Variants in PRKD1 observed in about 807,000 individuals in gnomAD.
PRKD1 encodes serine/threonine-protein kinase D1.
Under a neutral mutation model 95.9 loss-of-function variants are expected in PRKD1, and 63 were observed. The ratio of observed to expected loss-of-function variants is 0.66; its 90% CI spans 0.54 to 0.81. PRKD1 has a LOEUF of 0.81. PRKD1 is among the 30% of genes least tolerant of loss of function. The probability of loss-of-function intolerance (pLI) is 0.00; values close to 1 mark genes in which losing one functional copy is unlikely to be tolerated. For synonymous variants in PRKD1, 425 were observed against 423.1 expected, an observed-to-expected ratio of 1.00 and a Z score of -0.05; for missense variants, 1,048 against 1,165.3, an observed-to-expected ratio of 0.90 and a Z score of 1.47.
chr14:29,605,452 T>G (rs1031986979), intron 13 of PRKD1, among the ~76,000 whole-genome samples: 1 of 152,190 alleles, frequency 6.6e-6, no homozygotes, highest in Non-Finnish European at 1.5e-5. Context: ...TTTCTATGTT[T>G]TCATACATAC....
intron 2 of PRKD1, among the ~76,000 whole-genome samples, chr14:29,702,709 AT>A (rs977500734): frequency 3.3e-5 from 5 of 152,046 alleles, no homozygotes; most frequent in Admixed American, 2.6e-4. Flanking sequence ...TAATTCCCTT[AT>A]TTTATTGTTC....
At chr14:29,817,519 T>C (rs1359421625) in intron 1 of PRKD1, among the ~76,000 whole-genome samples, 2 of 152,162 alleles carry the variant, frequency 1.3e-5, no homozygotes, top group Non-Finnish European at 2.9e-5. Context: ...ATACATACCA[T>C]TTGCTATATT....
chr14:29,821,113 T>C (rs190779533), intron 1 of PRKD1, among the ~76,000 whole-genome samples: 59 of 152,332 alleles, frequency 3.9e-4, no homozygotes, highest in African/African-American at 6.0e-4. Flanking sequence ...AGGAGATACA[T>C]TGAACTTCAG....
intron 13 of PRKD1, among the ~76,000 whole-genome samples, chr14:29,621,581 C>T (rs1422927400): frequency 6.6e-6 from 1 of 152,042 alleles, no homozygotes; most frequent in Non-Finnish European, 1.5e-5. Context: ...TATGATTAAA[C>T]CAAGCCTAGA....
chr14:29,834,806 C>T (rs1891548117), intron 1 of PRKD1, among the ~76,000 whole-genome samples: 1 of 151,894 alleles, frequency 6.6e-6, no homozygotes, highest in Admixed American at 6.6e-5. Context: ...CTATTATTCC[C>T]ATCTTAGAAA....
chr14:29,708,405 A>C (rs777688738), intron 2 of PRKD1, among the ~76,000 whole-genome samples: 23 of 152,236 alleles, frequency 1.5e-4, no homozygotes, highest in Non-Finnish European at 3.1e-4. Flanking sequence ...AATAGGTATT[A>C]AGTGCATAAG....
chr14:29,659,029 T>C (rs1403318560), intron 4 of PRKD1, among the ~76,000 whole-genome samples: 1 of 152,194 alleles, frequency 6.6e-6, no homozygotes, highest in African/African-American at 2.4e-5. Context: ...ACAATTCATA[T>C]GGAATAAAGT....
At chr14:29,875,261 A>G (rs527465647) in intron 1 of PRKD1, among the ~76,000 whole-genome samples, 9 of 152,280 alleles carry the variant, frequency 5.9e-5, no homozygotes, top group Non-Finnish European at 1.2e-4. Context: ...GGAAGTACAC[A>G]AAAGCCCAGA....
At chr14:29,910,573 AAAGTG>A (rs1894672704) in intron 1 of PRKD1, among the ~76,000 whole-genome samples, 1 of 152,190 alleles carries the variant, frequency 6.6e-6, no homozygotes, top group African/African-American at 2.4e-5. Context: ...AAAGATTATG[AAAGTG>A]TAGTATTTCA....
chr14:29,888,788 T>C (rs1318807579), intron 1 of PRKD1, among the ~76,000 whole-genome samples: 2 of 152,220 alleles, frequency 1.3e-5, no homozygotes, highest in Admixed American at 6.5e-5. Flanking sequence ...AAGTTACTTA[T>C]AGCTGACCTA....
chr14:29,890,666 A>G (rs1391028378), intron 1 of PRKD1, among the ~76,000 whole-genome samples: 1 of 152,164 alleles, frequency 6.6e-6, no homozygotes, highest in Non-Finnish European at 1.5e-5. Flanking sequence ...CATTCCAAGC[A>G]TATTCCAAAG....
chr14:29,832,377 T>C (rs1009281709), intron 1 of PRKD1, among the ~76,000 whole-genome samples: 2 of 152,248 alleles, frequency 1.3e-5, no homozygotes. Flanking sequence ...TTATCATGCA[T>C]GCATTTCTCC....
chr14:29,847,076 T>C (rs1892105994), intron 1 of PRKD1, among the ~76,000 whole-genome samples: 2 of 152,170 alleles, frequency 1.3e-5, no homozygotes, highest in Non-Finnish European at 2.9e-5. Context: ...GTAACTCCTG[T>C]ACTGCAGGGG....
chr14:29,777,444 G>C (rs1033571179), intron 1 of PRKD1, among the ~76,000 whole-genome samples: 31 of 152,124 alleles, frequency 2.0e-4, no homozygotes, highest in Non-Finnish European at 3.8e-4. Flanking sequence ...AAGGGATGGA[G>C]GAAGATCTAC....
rs1352721384 is a variant in PRKD1 at position 29,636,467 on chromosome 14, T to C, written c.1013A>G (p.Asp338Gly). Residue 338 changes from aspartate to glycine, a missense_variant, in exon 7 of 18, where the codon GAT becomes GGT. Asp to Gly is a moderately conservative substitution (Grantham distance 94, BLOSUM62 -1). Around this residue, in one of 3 missense-constraint regions of PRKD1, gnomAD observed 739 missense variants for 861.9 expected, o/e 0.86. Transcript: ENST00000331968. ...ATCACTCCCTTCTTCCATGACCACA[T>C]CAGACTCTGCCCCAGGGCTAAGCAA... ...GDLLSPGAES[D>G]VVMEEGSDDN... 6.2e-7 allele frequency: 1 copy of C among 1,613,976 alleles called. No individual in the cohort carries two copies. Among genetic ancestry groups the C allele is most frequent in the East Asian group, 2.2e-5 (1 of 44,886 alleles).
At chr14:29,614,703 A>G (rs1878724106) in intron 13 of PRKD1, among the ~76,000 whole-genome samples, 2 of 151,656 alleles carry the variant, frequency 1.3e-5, no homozygotes, top group East Asian at 1.9e-4. Flanking sequence ...ATATACACAT[A>G]TATTTTTTTT....
chr14:29,649,738 GTTAAC>G (rs1881368840), intron 4 of PRKD1, among the ~76,000 whole-genome samples: 1 of 152,060 alleles, frequency 6.6e-6, no homozygotes, highest in Non-Finnish European at 1.5e-5. Flanking sequence ...CATTTGAGGG[GTTAAC>G]TTGACTTTTT....
At chr14:29,705,722 A>G (rs926298424) in intron 2 of PRKD1, among the ~76,000 whole-genome samples, 3 of 151,920 alleles carry the variant, frequency 2.0e-5, no homozygotes, top group African/African-American at 7.3e-5. Context: ...TATAAATGCC[A>G]TATAACATAT....
chr14:29,836,204 T>C (rs1250074305), intron 1 of PRKD1, among the ~76,000 whole-genome samples: 3 of 152,140 alleles, frequency 2.0e-5, no homozygotes, highest in African/African-American at 7.2e-5. Flanking sequence ...CAAACACGTT[T>C]GGAAAGCAAG....
Sources: gnomAD v4.1 joint callset for allele counts (sites outside exome capture counted in the v4.1 genomes callset) on GRCh38, gnomAD v4.1.1 for gene constraint, gnomAD v4.1.1 regional missense constraint, MANE v1.5 for transcripts, NCBI Gene and HGNC (gene_info 2026-07-23, HGNC 2026-07-21) for gene names.